TF: variants seen among roughly 807,000 people sequenced by gnomAD.
TF encodes serotransferrin.
In TF, 55 loss-of-function variants were observed where a neutral mutation model predicts 82.4. The ratio of observed to expected loss-of-function variants is 0.67; its 90% CI spans 0.54 to 0.84. TF has a LOEUF of 0.84. Ranked by LOEUF, TF falls within the 40% of genes least tolerant of loss-of-function variation. The probability of loss-of-function intolerance (pLI) is 0.00; values close to 1 mark genes in which losing one functional copy is unlikely to be tolerated. For missense variants in TF, 737 were observed against 868.4 expected (o/e 0.85, Z 1.90); for synonymous variants, 332 against 332.6 (o/e 1.00, Z 0.02).
In TF at chr3:133,756,305, A is replaced by T. The variant is rs759490486; in HGVS notation, c.659A>T (p.Asp220Val). Residue 220 changes from aspartate (D) to valine (V), a missense_variant, in exon 6 of 17, where the codon GAT (aspartate) becomes GTT (valine). By Grantham distance (152) the Asp-to-Val change is radical. Coordinates refer to ENST00000402696, the MANE Select transcript of TF (RefSeq NM_001063.4). ...AGGTGTCTGAAGGATGGTGCTGGGG[A>T]TGTGGCCTTTGTCAAGCACTCGACT... ...AFKCLKDGAG[D>V]VAFVKHSTIF... 2 of 1,614,038 alleles carry T rather than the reference A, an allele frequency of 1.2e-6. No homozygotes were observed. Among genetic ancestry groups the T allele is most frequent in the Non-Finnish European group, 8.5e-7 (1 of 1,180,024 alleles).
rs961577351 is a variant in TF, at chr3:133,789,897, T to G, written c.*11277T>G. Reference sequence around the variant, plus strand: ...CGTTTGCGTTTTTTTTTTTTTTTTTTTTTTTTTTTTTGACAAATGAGCATA... The same window carrying G: ...CGTTTGCGTTTTTTTTTTTTTTTTTGTTTTTTTTTTTGACAAATGAGCATA... On this transcript the variant is annotated 3_prime_UTR_variant, in exon 17 of 17. Coordinates refer to ENST00000402696, the MANE Select transcript of TF (RefSeq NM_001063.4). The G allele has an allele frequency of 9.8e-4, 132 of 135,214 alleles. 1 individual carries two copies. Among genetic ancestry groups the G allele is most frequent in the African/African-American group, 3.3e-3 (124 of 37,764 alleles). The allele number at this position is 135,214 out of a possible 1,614,324, so 8.4% of individuals were successfully genotyped here. A position where few individuals can be genotyped will look rare whatever the true frequency, so the allele number is the denominator to read the frequency against.
chr3:133,735,339 CAAA>C, the TF span, among the ~76,000 whole-genome samples: 34 of 123,400 alleles, frequency 2.8e-4, no homozygotes, highest in African/African-American at 4.0e-4. Context: ...GACTCCATCC[CAAA>C]AAAAAAAAAA....
At chr3:133,753,373 A>G (rs981388879) in intron 2 of TF, among the ~76,000 whole-genome samples, 3 of 152,238 alleles carry the variant, frequency 2.0e-5, no homozygotes, top group Middle Eastern at 3.2e-3. Context: ...AAAGAGAAAC[A>G]CAATCCATCA....
the TF span, among the ~76,000 whole-genome samples, chr3:133,678,549 C>T: frequency 6.6e-6 from 1 of 152,154 alleles, no homozygotes; most frequent in African/African-American, 2.4e-5. Context: ...TAATTATTGC[C>T]GTTCTAACTG....
the TF span, among the ~76,000 whole-genome samples, chr3:133,729,858 C>G: frequency 6.6e-6 from 1 of 152,020 alleles, no homozygotes. Flanking sequence ...TTTTTTCATT[C>G]AGATCATGGA....
In TF at chr3:133,794,572, G is replaced by A. The variant is rs1424330056; in HGVS notation, c.*15952G>A. ...CTTCACAACCTAGAAACTGAAGATT[G>A]TATCTTCTGAAAACATTGGATAAAG... On this transcript the variant is annotated 3_prime_UTR_variant, in exon 17 of 17. Coordinates refer to ENST00000402696, the MANE Select transcript of TF (RefSeq NM_001063.4). The A allele has an allele frequency of 6.6e-6, 1 of 152,184 alleles. No individual in the cohort carries two copies. Among genetic ancestry groups the A allele is most frequent in the Non-Finnish European group, 1.5e-5 (1 of 68,032 alleles). The allele number at this position is 152,184 out of a possible 1,614,324, so 9.4% of individuals were successfully genotyped here.
At position 133,780,696 on chromosome 3, in the gene TF, A is replaced by C. The variant is rs1234352887; in HGVS notation, c.*2076A>C. On this transcript the variant is annotated 3_prime_UTR_variant, in exon 17 of 17. Transcript: ENST00000402696. ...ATTTGTAAGTGATTATACACCTAGGAAATCCATGAGAACCAAATAATAATA... is the reference window on the plus strand; with the variant it reads ...ATTTGTAAGTGATTATACACCTAGGCAATCCATGAGAACCAAATAATAATA... 1 of 152,240 alleles carries C rather than the reference A, an allele frequency of 6.6e-6. No homozygotes were observed. The highest frequency in any genetic ancestry group is 1.9e-4 in the East Asian group (1 of 5,202). The allele number at this position is 152,240 out of a possible 1,614,324, so 9.4% of individuals were successfully genotyped here.
At chr3:133,687,032 T>C in the TF span, among the ~76,000 whole-genome samples, 3 of 152,326 alleles carry the variant, frequency 2.0e-5, no homozygotes, top group Non-Finnish European at 2.9e-5. Context: ...AGGATGAGTT[T>C]GTGTCCTTTG....
chr3:133,666,868 C>T, the TF span, among the ~76,000 whole-genome samples: 1 of 152,030 alleles, frequency 6.6e-6, no homozygotes, highest in African/African-American at 2.4e-5. Context: ...AACCTCGTCT[C>T]TACTAAAAAT....
At chr3:133,765,767 T>C (rs945807726) in intron 11 of TF, among the ~76,000 whole-genome samples, 5 of 152,238 alleles carry the variant, frequency 3.3e-5, no homozygotes, top group African/African-American at 1.2e-4. Flanking sequence ...AGTATATATT[T>C]GCTGCTGAAA....
chr3:133,718,079 G>A, the TF span, among the ~76,000 whole-genome samples: 1 of 152,090 alleles, frequency 6.6e-6, no homozygotes, highest in African/African-American at 2.4e-5. Flanking sequence ...GTCCAGGAGA[G>A]TGGTGGGAAG....
the TF span, among the ~76,000 whole-genome samples, chr3:133,685,976 C>T: frequency 6.6e-6 from 1 of 152,162 alleles, no homozygotes. Context: ...ACCAAAACAG[C>T]ATGGTACTGG....
rs777124043 is a variant in TF at position 133,777,138 on chromosome 3, A to C, written c.1962A>C (p.Thr654=). 1.4e-5 allele frequency: 23 copies of C among 1,614,104 alleles called. No individual in the cohort carries two copies. Among genetic ancestry groups the C allele is most frequent in the South Asian group, 5.5e-5 (5 of 91,096 alleles). Residue 654 remains threonine, a synonymous_variant, in exon 16 of 17, where the codon ACA becomes ACC. Coordinates refer to ENST00000402696, the MANE Select transcript of TF (RefSeq NM_001063.4). Reference sequence around the variant, plus strand: ...AGGACCTTCTGTTCAGAGATGACACAGTATGTTTGGCCAAACTTCATGACA... The same window carrying C: ...AGGACCTTCTGTTCAGAGATGACACCGTATGTTTGGCCAAACTTCATGACA... ...ETKDLLFRDD[T]VCLAKLHDRN... is the part of the protein sequence containing the mutation.
the TF span, among the ~76,000 whole-genome samples, chr3:133,726,010 C>A: frequency 1.5e-3 from 230 of 152,322 alleles, 1 homozygote; most frequent in African/African-American, 5.3e-3. Flanking sequence ...ATGAAGCCCA[C>A]TTGATCATGG....
At chr3:133,714,276 T>C in the TF span, among the ~76,000 whole-genome samples, 13 of 152,248 alleles carry the variant, frequency 8.5e-5, no homozygotes, top group Admixed American at 2.0e-4. Context: ...CTCTAGGTAT[T>C]GTGGGCAGTG....
the TF span, among the ~76,000 whole-genome samples, chr3:133,680,157 G>A: frequency 6.6e-6 from 1 of 151,780 alleles, no homozygotes; most frequent in African/African-American, 2.4e-5. Context: ...TTTTTTAAAT[G>A]ATGGGAGGCT....
chr3:133,737,882 G>T, the TF span, among the ~76,000 whole-genome samples: 3 of 152,046 alleles, frequency 2.0e-5, no homozygotes, highest in African/African-American at 7.2e-5. Context: ...TCTACCAGAG[G>T]TACAAAGAAG....
the TF span, among the ~76,000 whole-genome samples, chr3:133,732,558 C>T: frequency 2.0e-5 from 3 of 152,204 alleles, no homozygotes; most frequent in African/African-American, 7.2e-5. Context: ...TATTCTTTTG[C>T]TGTTTGCAAG....
the TF span, among the ~76,000 whole-genome samples, chr3:133,690,127 A>G: frequency 3.9e-5 from 6 of 152,160 alleles, no homozygotes; most frequent in Non-Finnish European, 5.9e-5. Context: ...AAATTACAAA[A>G]GTAGACAAAT....
Sources: allele counts gnomAD v4.1 joint callset (sites outside exome capture counted in the v4.1 genomes callset), GRCh38; gene constraint gnomAD v4.1.1; transcripts MANE v1.5; gene names NCBI Gene and HGNC (gene_info 2026-07-23, HGNC 2026-07-21).